The following LRRFIP1 variants were observed in gnomAD, a reference collection of about 807,000 sequenced individuals.
LRRFIP1 encodes the protein LRR binding FLII interacting protein 1, also known as leucine-rich repeat flightless-interacting protein 1.
A neutral mutation model predicts 104.4 loss-of-function variants in LRRFIP1; 62 were observed. The observed-to-expected ratio is 0.59, with a 90% CI of 0.48 to 0.73. LRRFIP1 has a LOEUF of 0.73. LRRFIP1 is among the 30% of genes least tolerant of loss of function. LRRFIP1 has a pLI of 0.00. For missense variants in LRRFIP1, 796 were observed against 824.5 expected (o/e 0.97, Z 0.42); for synonymous variants, 300 against 299.0 (o/e 1.00, Z -0.03).
chr2:237,772,875 A>G lies in LRRFIP1; in HGVS notation c.1637A>G (p.Asn546Ser). ...CTCTTTCAACCTTTAGGGGATGCCA[A>G]CAGACAGATCAGCGACCTCAAATTT... ...MHVMDLQRDA[N>S]RQISDLKFKL... The change falls in exon 22 of 24, where the codon AAC becomes AGC. Residue 546 changes from asparagine to serine, a missense_variant. Coordinates refer to ENST00000308482, the MANE Select transcript of LRRFIP1 (RefSeq NM_001137550.2). The G allele has an allele frequency of 9.3e-6, 15 of 1,613,480 alleles. No individual in the cohort carries two copies. Among genetic ancestry groups the G allele is most frequent in the Non-Finnish European group, 1.3e-5 (15 of 1,179,354 alleles).
At chr2:237,739,359 C>A (rs574239153) in intron 11 of LRRFIP1, 50 bp downstream of exon 11, 1 of 1,467,256 alleles carries the variant, frequency 6.8e-7, no homozygotes, top group Admixed American at 2.0e-5. Flanking sequence ...CCTCCCTCCC[C>A]CTTCCCTTAT....
At chr2:237,774,331 A>G in intron 22 of LRRFIP1, 27 bp from the exon 23 acceptor site, 1 of 1,356,862 alleles carries the variant, frequency 7.4e-7, no homozygotes, top group Non-Finnish European at 1.0e-6. Context: ...ATCAATTTAT[A>G]CATATGGTTT....
chr2:237,672,378 C>A (rs981012675), intron 1 of LRRFIP1, among the ~76,000 whole-genome samples: 10 of 152,274 alleles, frequency 6.6e-5, no homozygotes, highest in African/African-American at 1.9e-4. Flanking sequence ...GATGCCCCAG[C>A]TTCTTGTTTT....
intron 1 of LRRFIP1, among the ~76,000 whole-genome samples, chr2:237,668,155 C>G (rs1005130608): frequency 3.3e-5 from 5 of 152,194 alleles, no homozygotes; most frequent in Non-Finnish European, 7.3e-5. Flanking sequence ...GTTCCCCTCC[C>G]CTCCTCGGTG....
At chr2:237,719,458 T>A in intron 4 of LRRFIP1, 65 bp from the exon 5 acceptor site, 1 of 1,242,226 alleles carries the variant, frequency 8.1e-7, no homozygotes, top group Non-Finnish European at 1.2e-6. Context: ...TACCTAAGCT[T>A]TTTTAAAGCA....
At chr2:237,728,005 A>T in intron 8 of LRRFIP1, 70 bp downstream of exon 8, 1 of 1,100,784 alleles carries the variant, frequency 9.1e-7, no homozygotes, top group South Asian at 1.5e-5. Context: ...ACTAAAAACT[A>T]ATTGCTAAAT....
chr2:237,666,795 T>C (rs13399702), intron 1 of LRRFIP1, among the ~76,000 whole-genome samples: 34 of 29,670 alleles, frequency 1.1e-3, no homozygotes, highest in African/African-American at 3.3e-3. Context: ...TTCTTTCTCT[T>C]TCTCTTTCTT....
chr2:237,700,174 T>G (rs1575595310), intron 1 of LRRFIP1, among the ~76,000 whole-genome samples: 2 of 151,904 alleles, frequency 1.3e-5, no homozygotes, highest in African/African-American at 4.8e-5. Flanking sequence ...GGTTGGGGGG[T>G]TTGCAGAGAA....
intron 20 of LRRFIP1, 36 bp downstream of exon 20, chr2:237,770,028 CAGGGCACCT>C: frequency 6.4e-7 from 1 of 1,553,380 alleles, no homozygotes; most frequent in Non-Finnish European, 8.8e-7. Context: ...GGTTCATGAA[CAGGGCACCT>C]GAAACCACCT....
chr2:237,772,428 A>G (rs1015328367), intron 21 of LRRFIP1: 14 of 501,596 alleles, frequency 2.8e-5, no homozygotes, highest in African/African-American at 2.7e-4. Context: ...AGATACCACC[A>G]CATGTTGTGC....
At chr2:237,764,572 G>T in intron 19 of LRRFIP1, 9 of 1,010,478 alleles carry the variant, frequency 8.9e-6, no homozygotes, top group Non-Finnish European at 1.1e-5. Context: ...TTAATGTCTT[G>T]TTCACATATG....
chr2:237,748,226 G>C (rs1443948071), intron 11 of LRRFIP1, 138 bp from the exon 12 acceptor site: 2 of 708,596 alleles, frequency 2.8e-6, no homozygotes, highest in Admixed American at 2.6e-5. Context: ...TAAATTTGGA[G>C]TGTCCCATTT....
intron 18 of LRRFIP1, 149 bp from the exon 19 acceptor site, chr2:237,759,915 C>T (rs1183626776): frequency 1.9e-5 from 12 of 634,412 alleles, no homozygotes; most frequent in Non-Finnish European, 3.2e-5. Flanking sequence ...CGAATATTTA[C>T]GAGTGCTGCA....
intron 1 of LRRFIP1, among the ~76,000 whole-genome samples, chr2:237,660,443 C>A (rs1403024865): frequency 6.6e-6 from 1 of 150,752 alleles, no homozygotes; most frequent in Non-Finnish European, 1.5e-5. Context: ...GTACAGCTGG[C>A]CAGTGTAGGT....
chr2:237,664,223 G>C (rs2088717689), intron 1 of LRRFIP1, among the ~76,000 whole-genome samples: 1 of 152,262 alleles, frequency 6.6e-6, no homozygotes, highest in South Asian at 2.1e-4. Context: ...GGCCGCAGTG[G>C]GACTGGCAGT....
rs544726085 is a variant in LRRFIP1 at position 237,775,989 on chromosome 2, C to G, written c.1812+1527C>G. ...ATTTTATTTATTTATTTTTTTGAGA[C>G]GGAGTCTGACTCTTGCCCAGGCTGG... On this transcript the variant is annotated intron_variant, in intron 23 of 23. Coordinates refer to ENST00000308482, the MANE Select transcript of LRRFIP1 (RefSeq NM_001137550.2). Among the ~76,000 whole-genome samples the G allele has an allele frequency of 7.3e-5, 11 of 151,528 alleles. 1 individual carries two copies. Among genetic ancestry groups the G allele is most frequent in the Admixed American group, 4.6e-4 (7 of 15,226 alleles).
chr2:237,635,772 C>T (rs944051858), intron 1 of LRRFIP1, among the ~76,000 whole-genome samples: 1 of 151,958 alleles, frequency 6.6e-6, no homozygotes, highest in Non-Finnish European at 1.5e-5. Flanking sequence ...CCAGCCTGGG[C>T]AACATAGTGA....
chr2:237,676,920 C>T (rs951073208), intron 1 of LRRFIP1, among the ~76,000 whole-genome samples: 1 of 152,220 alleles, frequency 6.6e-6, no homozygotes, highest in Non-Finnish European at 1.5e-5. Context: ...TGGATTCGCA[C>T]CATCTGGCTC....
intron 1 of LRRFIP1, among the ~76,000 whole-genome samples, chr2:237,628,714 C>T (rs1035606340): frequency 1.1e-4 from 16 of 152,206 alleles, no homozygotes; most frequent in African/African-American, 3.6e-4. Context: ...ATTCTTCCCA[C>T]AGGAAACACC....
Sources: gnomAD v4.1 joint callset for allele counts (sites outside exome capture counted in the v4.1 genomes callset) on GRCh38, gnomAD v4.1.1 for gene constraint, MANE v1.5 for transcripts, NCBI Gene and HGNC (gene_info 2026-07-23, HGNC 2026-07-21) for gene names.